Variants in MT1H observed in about 807,000 individuals in gnomAD.
The protein encoded by MT1H is metallothionein-1H.
Under a neutral mutation model 8.7 loss-of-function variants are expected in MT1H, and 8 were observed. The observed-to-expected ratio is 0.92, with a 90% CI of 0.54 to 1.66. MT1H has a LOEUF of 1.66. Among genes scored for constraint, MT1H ranks in the 40% most tolerant of loss-of-function variants. MT1H has a pLI of 0.00. For synonymous variants in MT1H, 32 were observed against 28.9 expected (o/e 1.11, Z -0.34); for missense variants, 84 against 75.2 (o/e 1.12, Z -0.43).
chr16:56,669,922 G>C lies in MT1H; in HGVS notation c.28+10G>C, dbSNP rs370540950. 3 of 1,613,838 alleles carry C rather than the reference G, an allele frequency of 1.9e-6. No individual in the cohort carries two copies. Among genetic ancestry groups the C allele is most frequent in the East Asian group, 2.2e-5 (1 of 44,880 alleles). On this transcript the variant is annotated intron_variant, in intron 1 of 2. Coordinates refer to ENST00000332374, the MANE Select transcript of MT1H (RefSeq NM_005951.2). ...TGCTCCTGCGAGGCTGGTAAGGAACGCCCGGGTTCTGTGCCTTAGGATGCC... is the reference window on the plus strand; with the variant it reads ...TGCTCCTGCGAGGCTGGTAAGGAACCCCCGGGTTCTGTGCCTTAGGATGCC...
chr16:56,670,663 C>T lies in MT1H; in HGVS notation c.94+92C>T, dbSNP rs746503869. The T allele has an allele frequency of 1.9e-5, 30 of 1,607,758 alleles. No homozygotes were observed. The East Asian group carries it at 6.5e-4, about 35-fold the overall frequency. ...CCCTGAGTGCCTGCTTCCTTTGTCCCCCTAGGCCGTCACTGCCTTTCCAGT... is the reference window on the plus strand; with the variant it reads ...CCCTGAGTGCCTGCTTCCTTTGTCCTCCTAGGCCGTCACTGCCTTTCCAGT... On this transcript the variant is annotated intron_variant, in intron 2 of 2. Transcript: ENST00000332374.
intron 1 of MT1H, 124 bp downstream of exon 1, chr16:56,670,036 G>A (rs1960851184): frequency 1.5e-6 from 2 of 1,348,440 alleles, no homozygotes; most frequent in Non-Finnish European, 1.0e-6. Flanking sequence ...TACTTCCTCC[G>A]CTGCTTTCCT....
Position 56,670,994 on chromosome 16 carries a change from G to C in MT1H, c.*5G>C. 1.2e-6 allele frequency: 2 copies of C among 1,613,922 alleles called. No homozygotes were observed. The highest frequency in any genetic ancestry group is 8.5e-7 in the Non-Finnish European group (1 of 1,179,958). On this transcript the variant is annotated 3_prime_UTR_variant, in exon 3 of 3. Transcript: ENST00000332374. Reference sequence around the variant, plus strand: ...AAGTGCAGCTGCTGTGCCTGATGTCGGGACAGCCCTGCTGTCAGATGAAAA... The same window carrying C: ...AAGTGCAGCTGCTGTGCCTGATGTCCGGACAGCCCTGCTGTCAGATGAAAA...
rs201520507 is a variant in MT1H, at chr16:56,669,860, A to C, written c.-25A>C. ...ACTGCCTCTTCTCTTCTCGCTTGGGAACTCCAGTCTCACCTCGGCTTGCAA... is the reference window on the plus strand; with the variant it reads ...ACTGCCTCTTCTCTTCTCGCTTGGGCACTCCAGTCTCACCTCGGCTTGCAA... On this transcript the variant is annotated 5_prime_UTR_variant, in exon 1 of 3. Coordinates refer to ENST00000332374, the MANE Select transcript of MT1H (RefSeq NM_005951.2). The C allele has an allele frequency of 4.8e-4, 770 of 1,614,032 alleles. 6 individuals carry two copies. In the African/African-American group the frequency reaches 9.4e-3, roughly 20 times the overall value.
intron 1 of MT1H, 82 bp downstream of exon 1, chr16:56,669,994 T>C: frequency 6.3e-7 from 1 of 1,586,348 alleles, no homozygotes; most frequent in South Asian, 1.1e-5. Context: ...GAGGAGGTCA[T>C]ATTTTGCGAT....
At chr16:56,670,456 T>C in intron 1 of MT1H, 50 bp from the exon 2 acceptor site, 2 of 1,613,870 alleles carry the variant, frequency 1.2e-6, no homozygotes, top group Non-Finnish European at 1.7e-6. Flanking sequence ...CCCACTGCTG[T>C]AACTTCTGCA....
chr16:56,671,076 A>G lies in MT1H; in HGVS notation c.*87A>G. The G allele has an allele frequency of 6.7e-7, 1 of 1,498,664 alleles. No homozygotes were observed. Among genetic ancestry groups the G allele is most frequent in the Non-Finnish European group, 9.0e-7 (1 of 1,107,982 alleles). The allele number at this position is 1,498,664 out of a possible 1,614,324, so 92.8% of individuals were successfully genotyped here. A position where few individuals can be genotyped will look rare whatever the true frequency, so the allele number is the denominator to read the frequency against. ...TTTCTACAACTCCGACTCATTTGCT[A>G]CATTCCTTTTTTTCTGTGAAATATG... On this transcript the variant is annotated 3_prime_UTR_variant, in exon 3 of 3. Coordinates refer to ENST00000332374, the MANE Select transcript of MT1H (RefSeq NM_005951.2).
At position 56,670,806 on chromosome 16, in the gene MT1H, G is replaced by A. The variant is rs572239388; in HGVS notation, c.95-92G>A. ...GCCATCCTGAACTAAGGATCCTCTG[G>A]GGCTGGAGTCTGAGCTTGAGCCAGG... On this transcript the variant is annotated intron_variant, in intron 2 of 2. Transcript: ENST00000332374. 2.0e-4 allele frequency: 317 copies of A among 1,573,030 alleles called. 4 individuals carry two copies. Among genetic ancestry groups the A allele is most frequent in the South Asian group, 9.2e-4 (83 of 90,052 alleles).
In MT1H at chr16:56,670,936, G is replaced by A. The variant is rs1960865153; in HGVS notation, c.133G>A (p.Ala45Thr). 1.2e-6 allele frequency: 2 copies of A among 1,614,214 alleles called. No homozygotes were observed. Among genetic ancestry groups the A allele is most frequent in the Non-Finnish European group, 1.7e-6 (2 of 1,180,040 alleles). Residue 45 changes from alanine to threonine, a missense_variant, in exon 3 of 3, where the codon GCC (alanine) becomes ACC (threonine). Ala to Thr is a moderately conservative substitution (Grantham distance 58). Coordinates refer to ENST00000332374, the MANE Select transcript of MT1H (RefSeq NM_005951.2). The stretch of plus-strand genomic sequence containing the variant: ...TTGCCCCCTGGGCTGTGCCAAGTGT[G>A]CCCAGGGCTGCATCTGCAAAGGGGC... ...SCCPLGCAKC[A>T]QGCICKGASE...
In MT1H at chr16:56,670,885, C is replaced by T. The variant is rs185329533; in HGVS notation, c.95-13C>T. On this transcript the variant is annotated splice_polypyrimidine_tract_variant and intron_variant, in intron 2 of 2. Coordinates refer to ENST00000332374, the MANE Select transcript of MT1H (RefSeq NM_005951.2). ...TCAAGTCTGCTGTGACTTCTCTCTC[C>T]CTTTTTCCCCAGGCTGCTGCTCCTG... The T allele has an allele frequency of 8.2e-4, 1,316 of 1,613,742 alleles. 5 individuals are homozygous for T. The African/African-American group carries it at 0.015, about 18-fold the overall frequency.
At chr16:56,670,156 G>A (rs1025061041) in intron 1 of MT1H, among the ~76,000 whole-genome samples, 1 of 152,210 alleles carries the variant, frequency 6.6e-6, no homozygotes, top group Non-Finnish European at 1.5e-5. Flanking sequence ...TGGTCACGAG[G>A]CTGCTGGCTG....
rs1597081562 is a variant in MT1H, at chr16:56,670,638, C to T, written c.94+67C>T. On this transcript the variant is annotated intron_variant, in intron 2 of 2. Transcript: ENST00000332374. ...AGGTTGGGAGGGAACCCAAGGCTGGCCCTGAGTGCCTGCTTCCTTTGTCCC... is the reference window on the plus strand; with the variant it reads ...AGGTTGGGAGGGAACCCAAGGCTGGTCCTGAGTGCCTGCTTCCTTTGTCCC... 3 of 1,613,378 alleles carry T rather than the reference C, an allele frequency of 1.9e-6. No individual in the cohort carries two copies. The East Asian group carries it at 6.7e-5, about 36-fold the overall frequency.
intron 1 of MT1H, 134 bp from the exon 2 acceptor site, chr16:56,670,369 TCTC>T: frequency 2.3e-6 from 3 of 1,307,248 alleles, no homozygotes; most frequent in Non-Finnish European, 3.2e-6. Context: ...AGATGGGTCT[TCTC>T]TTCTTCTGCT....
intron 1 of MT1H, among the ~76,000 whole-genome samples, 187 bp from the exon 2 acceptor site, chr16:56,670,319 A>C (rs1353310035): frequency 6.8e-6 from 1 of 146,008 alleles, no homozygotes; most frequent in Non-Finnish European, 1.5e-5. Context: ...TTTGGAATAC[A>C]AACGGAGGGT....
Position 56,671,028 on chromosome 16 carries a change from C to G in MT1H, c.*39C>G. The G allele has an allele frequency of 6.3e-7, 1 of 1,591,260 alleles. No individual in the cohort carries two copies. The highest frequency in any genetic ancestry group is 8.5e-7 in the Non-Finnish European group (1 of 1,173,154). ...CTGCTGTCAGATGAAAACAGAATGA[C>G]ACGTAAAATCCAGGATTTTTTTTTT... is the stretch of plus-strand genomic sequence containing the variant. On this transcript the variant is annotated 3_prime_UTR_variant, in exon 3 of 3. Coordinates refer to ENST00000332374, the MANE Select transcript of MT1H (RefSeq NM_005951.2).
chr16:56,670,001 CG>C (rs1960850508), intron 1 of MT1H, 89 bp downstream of exon 1: 2 of 1,566,774 alleles, frequency 1.3e-6, no homozygotes, highest in Admixed American at 3.6e-5. Flanking sequence ...TCATATTTTG[CG>C]ATCTGAGCTG....
At chr16:56,670,002 G>T (rs4784708) in intron 1 of MT1H, 90 bp downstream of exon 1, 1 of 1,562,480 alleles carries the variant, frequency 6.4e-7, no homozygotes, top group Non-Finnish European at 8.8e-7. Flanking sequence ...CATATTTTGC[G>T]ATCTGAGCTG....
At chr16:56,670,359 A>C in intron 1 of MT1H, 147 bp from the exon 2 acceptor site, 1 of 1,204,194 alleles carries the variant, frequency 8.3e-7, no homozygotes, top group Non-Finnish European at 1.2e-6. Context: ...AATGGAGAGG[A>C]GATGGGTCTT....
intron 1 of MT1H, 128 bp from the exon 2 acceptor site, chr16:56,670,378 C>A: frequency 1.4e-6 from 2 of 1,383,940 alleles, no homozygotes; most frequent in Non-Finnish European, 2.0e-6. Context: ...TTCTCTTCTT[C>A]TGCTGAGTGG....
Sources: gnomAD v4.1 joint callset for allele counts (sites outside exome capture counted in the v4.1 genomes callset) on GRCh38, gnomAD v4.1.1 for gene constraint, MANE v1.5 for transcripts, NCBI Gene and HGNC (gene_info 2026-07-23, HGNC 2026-07-21) for gene names.